Variants in LYSMD4 observed in about 807,000 individuals in gnomAD.
LYSMD4 encodes the protein LysM domain containing 4.
A neutral mutation model predicts 6.1 loss-of-function variants in LYSMD4; 9 were observed. The observed-to-expected ratio is 1.47, with a 90% CI of 0.88 to 2.56. The LOEUF is 2.56. LYSMD4 is among the 30% of genes most tolerant of loss of function. The pLI is 0.00. For synonymous variants in LYSMD4, 143 were observed against 148.5 expected (o/e 0.96, Z 0.27); for missense variants, 384 against 373.5 (o/e 1.03, Z -0.23).
chr15:99,733,038 G>T, intron 1 of LYSMD4: 1 of 294,840 alleles, frequency 3.4e-6, no homozygotes, highest in Non-Finnish European at 6.3e-6. Flanking sequence ...TCTGCGAAAA[G>T]ATGGGGCACC....
At position 99,729,090 on chromosome 15, in the gene LYSMD4, G is replaced by T. The variant is rs1285585080; in HGVS notation, c.*33C>A. 2 of 1,605,492 alleles carry T rather than the reference G, an allele frequency of 1.2e-6. No homozygotes were observed. Among genetic ancestry groups the T allele is most frequent in the Non-Finnish European group, 1.7e-6 (2 of 1,173,292 alleles). ...AGCTGAGGCACATCAACAGCCAATT[G>T]CTAAAGCTGGGCCTAGTCTTTAAAA... On this transcript the variant is annotated 3_prime_UTR_variant, in exon 3 of 3. Coordinates refer to ENST00000684762, the MANE Select transcript of LYSMD4 (RefSeq NM_001284417.2).
chr15:99,725,642 C>T (rs2059272277), downstream of LYSMD4, among the ~76,000 whole-genome samples: 1 of 152,154 alleles, frequency 6.6e-6, no homozygotes, highest in African/African-American at 2.4e-5. Context: ...GCTGATTCTA[C>T]AGTTACTGCG....
At chr15:99,732,061 C>G in intron 1 of LYSMD4, 54 bp from the exon 2 acceptor site, 1 of 1,484,576 alleles carries the variant, frequency 6.7e-7, no homozygotes. Context: ...ATCCCTCCAC[C>G]GCCTCGTTTA....
intron 2 of LYSMD4, 21 bp from the exon 3 acceptor site, chr15:99,729,752 ACAT>A (rs778500913): frequency 1.3e-6 from 2 of 1,578,280 alleles, no homozygotes; most frequent in South Asian, 1.1e-5. Flanking sequence ...ACGAAGATAA[ACAT>A]CATAAAATAT....
Position 99,728,734 on chromosome 15 carries a change from G to A in LYSMD4, c.*389C>T, listed in dbSNP as rs978297561. On this transcript the variant is annotated 3_prime_UTR_variant, in exon 3 of 3. Transcript: ENST00000684762. ...TCCACAGGAAGTGAGGATACAGCAAGAGCCAGGCAAGCCGCGCAGATGCCA... is the reference window on the plus strand; with the variant it reads ...TCCACAGGAAGTGAGGATACAGCAAAAGCCAGGCAAGCCGCGCAGATGCCA... 12 of 236,352 alleles carry A rather than the reference G, an allele frequency of 5.1e-5. No individual in the cohort carries two copies. Among genetic ancestry groups the A allele is most frequent in the Middle Eastern group, 1.5e-3 (1 of 670 alleles). 14.6% of individuals were successfully genotyped at this position (236,352 alleles called of 1,614,324 possible). A position where few individuals can be genotyped will look rare whatever the true frequency, so the allele number is the denominator to read the frequency against.
intron 2 of LYSMD4, chr15:99,731,383 C>A (rs2059405987): frequency 6.2e-7 from 1 of 1,613,140 alleles, no homozygotes; most frequent in Admixed American, 1.7e-5. Context: ...TTAAATTCTG[C>A]CTGGTATCTC....
chr15:99,722,715 T>C (rs2059246535), downstream of LYSMD4, among the ~76,000 whole-genome samples: 1 of 152,102 alleles, frequency 6.6e-6, no homozygotes, highest in South Asian at 2.1e-4. Context: ...CAACAGAACC[T>C]TTAGAGATTA....
At chr15:99,726,671 T>TA (rs2059285754), downstream of LYSMD4, among the ~76,000 whole-genome samples, 1 of 152,126 alleles carries the variant, frequency 6.6e-6, no homozygotes, top group Non-Finnish European at 1.5e-5. Flanking sequence ...AGAGTAAAAT[T>TA]AAAGCATCAT....
upstream of LYSMD4, among the ~76,000 whole-genome samples, chr15:99,718,919 A>ATG (rs1567544502): frequency 4.6e-5 from 3 of 65,002 alleles, no homozygotes; most frequent in African/African-American, 8.7e-5. Context: ...GCACACACAC[A>ATG]CACACACACA....
At position 99,729,196 on chromosome 15, in the gene LYSMD4, C is replaced by A. The variant is rs148348952; in HGVS notation, c.818G>T (p.Arg273Ile). The A allele has an allele frequency of 2.9e-5, 47 of 1,614,196 alleles. No individual in the cohort carries two copies. The African/African-American group carries it at 4.9e-4, about 17-fold the overall frequency. The change falls in exon 3 of 3, where the codon AGA (arginine) becomes ATA (isoleucine). Residue 273 changes from arginine (R) to isoleucine (I), a missense_variant. Physicochemically the swap from Arg to Ile is moderately conservative, Grantham distance 97. Transcript: ENST00000684762. ...GACGGCTGGCACTGCAACTGCTAGT[C>A]TGGGGGCTTGCCCTGGAACTGTACC... ...AMGTVPGQAP[R>I]LAVAVPAVTS... is the part of the protein sequence containing the mutation.
Position 99,731,990 on chromosome 15 carries a change from C to G in LYSMD4, c.10G>C (p.Glu4Gln). MRH[E>Q]ELLTKTFQGP... ...TGGAAGGTCTTGGTTAACAATTCCT[C>G]GTGCCTCATTTTCTTCACTGAAAAT... Residue 4 changes from glutamate (E) to glutamine (Q), a missense_variant, in exon 2 of 3, where the codon GAG becomes CAG. By Grantham distance (29) the Glu-to-Gln change is conservative. Coordinates refer to ENST00000684762, the MANE Select transcript of LYSMD4 (RefSeq NM_001284417.2). The G allele has an allele frequency of 6.4e-7, 1 of 1,566,536 alleles. No individual in the cohort carries two copies. The highest frequency in any genetic ancestry group is 1.1e-5 in the South Asian group (1 of 87,352).
In LYSMD4 at chr15:99,731,712, T is replaced by A; in HGVS notation, c.282+6A>T. Reference sequence around the variant, plus strand: ...AGCGGGGCAGGGCCCCTGAGGGGTGTCTTACTTTGCAGCCATACTGCAGCG... The same window carrying A: ...AGCGGGGCAGGGCCCCTGAGGGGTGACTTACTTTGCAGCCATACTGCAGCG... On this transcript the variant is annotated splice_donor_region_variant and intron_variant, in intron 2 of 2. Coordinates refer to ENST00000684762, the MANE Select transcript of LYSMD4 (RefSeq NM_001284417.2). 1 of 1,582,078 alleles carries A rather than the reference T, an allele frequency of 6.3e-7. No individual in the cohort carries two copies. The highest frequency in any genetic ancestry group is 8.6e-7 in the Non-Finnish European group (1 of 1,164,886).
At chr15:99,721,119 G>A (rs540745929), upstream of LYSMD4, among the ~76,000 whole-genome samples, 19 of 152,242 alleles carry the variant, frequency 1.2e-4, no homozygotes, top group African/African-American at 3.6e-4. Context: ...AGACATATTT[G>A]ATTCTTTTCT....
chr15:99,731,315 G>A (rs1354147222), intron 2 of LYSMD4: 9 of 1,601,208 alleles, frequency 5.6e-6, no homozygotes, highest in Non-Finnish European at 7.6e-6. Context: ...CTACCACCAA[G>A]AAAGGTTCAG....
rs1362726882 is a variant in LYSMD4 at position 99,731,957 on chromosome 15, C to T, written c.43G>A (p.Ala15Thr). Residue 15 changes from alanine (A) to threonine (T), a missense_variant, in exon 2 of 3, where the codon GCT becomes ACT. Transcript: ENST00000684762. ...CTGGTCGGAGTCCCACACACAACAG[C>T]TGGGCCTTGGAAGGTCTTGGTTAAC... ...ELLTKTFQGP[A>T]VVCGTPTSHV... 3 of 1,606,850 alleles carry T rather than the reference C, an allele frequency of 1.9e-6. No individual in the cohort carries two copies. Among genetic ancestry groups the T allele is most frequent in the South Asian group, 2.2e-5 (2 of 90,318 alleles).
downstream of LYSMD4, among the ~76,000 whole-genome samples, chr15:99,725,566 G>C (rs2141104250): frequency 6.6e-6 from 1 of 152,174 alleles, no homozygotes; most frequent in South Asian, 2.1e-4. Flanking sequence ...CAACACAAGG[G>C]GCCTGGTTCA....
downstream of LYSMD4, among the ~76,000 whole-genome samples, chr15:99,725,449 G>A (rs558515510): frequency 1.6e-4 from 24 of 152,126 alleles, no homozygotes; most frequent in African/African-American, 4.6e-4. Context: ...CTCCACGATC[G>A]CGATGGCCCC....
At chr15:99,726,309 A>G (rs921931099), downstream of LYSMD4, among the ~76,000 whole-genome samples, 2 of 151,462 alleles carry the variant, frequency 1.3e-5, no homozygotes, top group Admixed American at 6.6e-5. Context: ...AGGCCCAGCT[A>G]ATTTTTGTAT....
exon 1 of LYSMD4, chr15:99,716,716 A>G (rs1050056359): frequency 4.4e-6 from 2 of 456,554 alleles, no homozygotes; most frequent in Non-Finnish European, 8.8e-6. Flanking sequence ...CCTGGAGCCC[A>G]TAGGAAGCAG....
Sources: gnomAD v4.1 joint callset for allele counts (sites outside exome capture counted in the v4.1 genomes callset) on GRCh38, gnomAD v4.1.1 for gene constraint, MANE v1.5 for transcripts, NCBI Gene and HGNC (gene_info 2026-07-23, HGNC 2026-07-21) for gene names.